Variants in MYO5B observed in about 807,000 individuals in gnomAD.
MYO5B encodes the protein unconventional myosin-Vb.
MYO5B carries 143 observed loss-of-function variants against 229.3 expected under a neutral mutation model. The ratio of observed to expected loss-of-function variants is 0.62; its 90% CI spans 0.54 to 0.72. The LOEUF (loss-of-function observed/expected upper bound fraction) is 0.72. Among genes scored for constraint, MYO5B ranks in the 30% least tolerant of loss-of-function variants. The pLI is 0.00. For synonymous variants in MYO5B, 918 were observed against 885.2 expected, an observed-to-expected ratio of 1.04 and a Z score of -0.66; for missense variants, 2,321 against 2,331.0, an observed-to-expected ratio of 1.00 and a Z score of 0.09.
intron 9 of MYO5B, among the ~76,000 whole-genome samples, 183 bp from the exon 10 acceptor site, chr18:49,974,798 G>GACACACACAGACACACACAC (rs2025730950): frequency 1.5e-5 from 2 of 130,996 alleles, no homozygotes; most frequent in African/African-American, 5.6e-5. Context: ...CACACACACA[G>GACACACACAGACACACACAC]ACACACACAC....
chr18:49,949,110 G>T (rs1395457330), intron 14 of MYO5B, among the ~76,000 whole-genome samples: 1 of 152,142 alleles, frequency 6.6e-6, no homozygotes, highest in Admixed American at 6.5e-5. Flanking sequence ...AGATGGCACT[G>T]GGATGCCTGT....
intron 4 of MYO5B, 38 bp from the exon 5 acceptor site, chr18:50,001,449 G>C: frequency 6.2e-7 from 1 of 1,611,376 alleles, no homozygotes; most frequent in Non-Finnish European, 8.5e-7. Flanking sequence ...ATTGGCCATG[G>C]AAAGGCTCTG....
intron 17 of MYO5B, among the ~76,000 whole-genome samples, chr18:49,918,094 G>A (rs998947829): frequency 5.9e-5 from 9 of 152,226 alleles, no homozygotes; most frequent in African/African-American, 2.2e-4. Context: ...GCTAAGAATG[G>A]TGCAGGAAGC....
At chr18:50,182,502 GC>G (rs1319568901) in intron 1 of MYO5B, among the ~76,000 whole-genome samples, 1 of 152,154 alleles carries the variant, frequency 6.6e-6, no homozygotes, top group Non-Finnish European at 1.5e-5. Context: ...AAAAATATGT[GC>G]CCAAAATAAC....
chr18:50,122,361 G>T (rs545879612), intron 1 of MYO5B, among the ~76,000 whole-genome samples: 1 of 146,664 alleles, frequency 6.8e-6, no homozygotes, highest in Non-Finnish European at 1.5e-5. Flanking sequence ...CAGCACTTTC[G>T]CAGGCCGAGG....
chr18:50,051,337 T>C (rs948955690), intron 2 of MYO5B, among the ~76,000 whole-genome samples: 2 of 152,228 alleles, frequency 1.3e-5, no homozygotes, highest in African/African-American at 4.8e-5. Flanking sequence ...CTCTCACTCA[T>C]GAATGCTAAG....
At chr18:49,850,817 T>G (rs916675408) in intron 31 of MYO5B, 4 of 152,722 alleles carry the variant, frequency 2.6e-5, no homozygotes, top group African/African-American at 9.6e-5. Context: ...CCCTGCCTCG[T>G]GTTCATATAA....
At chr18:50,068,155 T>G (rs1461489357) in intron 1 of MYO5B, among the ~76,000 whole-genome samples, 1 of 152,210 alleles carries the variant, frequency 6.6e-6, no homozygotes, top group African/African-American at 2.4e-5. Context: ...AAATTCTCAC[T>G]TTCTTACAGA....
intron 39 of MYO5B, among the ~76,000 whole-genome samples, chr18:49,833,425 A>G (rs2023948868): frequency 6.6e-6 from 1 of 152,256 alleles, no homozygotes; most frequent in Non-Finnish European, 1.5e-5. Context: ...AGGTAGAAAC[A>G]ACATAAAGCT....
intron 9 of MYO5B, among the ~76,000 whole-genome samples, chr18:49,979,370 C>T (rs2025789826): frequency 6.6e-6 from 1 of 152,198 alleles, no homozygotes; most frequent in South Asian, 2.1e-4. Context: ...TGGCAGCAGG[C>T]CAGACAGGCC....
At chr18:50,025,914 CTG>C (rs1357903877) in intron 4 of MYO5B, among the ~76,000 whole-genome samples, 1 of 152,214 alleles carries the variant, frequency 6.6e-6, no homozygotes, top group African/African-American at 2.4e-5. Context: ...ATAAAGAAAA[CTG>C]TGAACATGCT....
chr18:50,023,051 A>C (rs532486598), intron 4 of MYO5B, among the ~76,000 whole-genome samples: 48 of 152,102 alleles, frequency 3.2e-4, no homozygotes, highest in Admixed American at 6.5e-4. Context: ...TCAAAGTTAC[A>C]AAGGGTCTTC....
In MYO5B at chr18:49,974,495, A is replaced by T. The variant is rs765050884; in HGVS notation, c.1177T>A (p.Ser393Thr). Residue 393 changes from serine (S) to threonine (T), a missense_variant, in exon 10 of 40, where the codon TCC becomes ACC. This residue lies in a region of MYO5B where 2,113 missense variants were observed against 2,044.7 expected (regional missense o/e 1.03). Coordinates refer to ENST00000285039, the MANE Select transcript of MYO5B (RefSeq NM_001080467.3). ...TTSETYVKTMSLQQVINARNA... is the reference protein window; with the variant it reads ...TTSETYVKTMTLQQVINARNA... ...CGCGCATTGATCACCTGCTGCAGGG[A>T]CATGGTCTTGACGTAGGTCTCCGAG... 1 of 1,614,052 alleles carries T rather than the reference A, an allele frequency of 6.2e-7. No individual in the cohort carries two copies. Among genetic ancestry groups the T allele is most frequent in the African/African-American group, 1.3e-5 (1 of 74,914 alleles).
intron 1 of MYO5B, among the ~76,000 whole-genome samples, chr18:50,120,547 G>A (rs1008081397): frequency 4.0e-4 from 61 of 152,154 alleles, no homozygotes; most frequent in African/African-American, 1.4e-3. Flanking sequence ...TTTGTCTACC[G>A]TCCTCAGCCC....
At chr18:50,105,498 G>A (rs1324567458) in intron 1 of MYO5B, among the ~76,000 whole-genome samples, 2 of 152,132 alleles carry the variant, frequency 1.3e-5, no homozygotes, top group East Asian at 1.9e-4. Context: ...CGCACTCCAC[G>A]ACAGTCTCCT....
At chr18:49,861,318 C>A (rs1393274222) in intron 29 of MYO5B, among the ~76,000 whole-genome samples, 1 of 152,222 alleles carries the variant, frequency 6.6e-6, no homozygotes, top group Non-Finnish European at 1.5e-5. Context: ...AAACTGGGGT[C>A]TGGATCCCTG....
chr18:50,089,295 T>C (rs959365178), intron 1 of MYO5B, among the ~76,000 whole-genome samples: 16 of 152,080 alleles, frequency 1.1e-4, no homozygotes, highest in Admixed American at 1.0e-3. Context: ...GGAGAATTGC[T>C]TGAACCCAGA....
chr18:49,907,913 G>T (rs2024917641), intron 18 of MYO5B, among the ~76,000 whole-genome samples: 1 of 152,262 alleles, frequency 6.6e-6, no homozygotes, highest in African/African-American at 2.4e-5. Flanking sequence ...CATGCTGAGA[G>T]GAACAGGGGC....
intron 4 of MYO5B, among the ~76,000 whole-genome samples, chr18:50,013,393 C>T (rs2026182928): frequency 6.6e-6 from 1 of 152,204 alleles, no homozygotes; most frequent in Non-Finnish European, 1.5e-5. Context: ...CTCCCAACTG[C>T]ACCTACACCC....
Sources: gnomAD v4.1 joint callset for allele counts (sites outside exome capture counted in the v4.1 genomes callset) on GRCh38, gnomAD v4.1.1 for gene constraint, gnomAD v4.1.1 regional missense constraint, MANE v1.5 for transcripts, NCBI Gene and HGNC (gene_info 2026-07-23, HGNC 2026-07-21) for gene names.